FMNL2: variants seen among roughly 807,000 people sequenced by gnomAD.
FMNL2 encodes the protein formin like 2.
Under a neutral mutation model 130.2 loss-of-function variants are expected in FMNL2, and 51 were observed. The observed-to-expected ratio is 0.39, with a 90% CI of 0.31 to 0.49. The LOEUF (loss-of-function observed/expected upper bound fraction) is 0.49, where lower values mean the gene tolerates loss of function less well. Among genes scored for constraint, FMNL2 ranks in the 20% least tolerant of loss-of-function variants. FMNL2 has a pLI of 0.85. For synonymous variants in FMNL2, 465 were observed against 467.1 expected, an observed-to-expected ratio of 1.00 and a Z score of 0.06; for missense variants, 977 against 1,316.2, an observed-to-expected ratio of 0.74 and a Z score of 3.99.
chr2:152,513,357 G>A (rs562422560), intron 1 of FMNL2, among the ~76,000 whole-genome samples: 3 of 152,170 alleles, frequency 2.0e-5, no homozygotes, highest in Non-Finnish European at 4.4e-5. Flanking sequence ...ATACAATACA[G>A]TATTGTTAAC....
At chr2:152,371,795 A>AGT (rs1214962678) in intron 1 of FMNL2, among the ~76,000 whole-genome samples, 1 of 151,582 alleles carries the variant, frequency 6.6e-6, no homozygotes, top group Non-Finnish European at 1.5e-5. Flanking sequence ...TTATCATGGG[A>AGT]GTGAGACTGG....
chr2:152,495,850 G>A (rs1434446270), intron 1 of FMNL2, among the ~76,000 whole-genome samples: 2 of 151,778 alleles, frequency 1.3e-5, no homozygotes, highest in Admixed American at 1.3e-4. Context: ...CTGATTCTAC[G>A]TTAGTATTTC....
chr2:152,402,899 C>T (rs755163799), intron 1 of FMNL2, among the ~76,000 whole-genome samples: 11 of 152,010 alleles, frequency 7.2e-5, no homozygotes, highest in South Asian at 4.2e-4. Flanking sequence ...TTTTTCGGTC[C>T]GGGGATCCCA....
chr2:152,350,965 A>C (rs1682447156), intron 1 of FMNL2, among the ~76,000 whole-genome samples: 2 of 152,114 alleles, frequency 1.3e-5, no homozygotes, highest in Non-Finnish European at 2.9e-5. Flanking sequence ...GAATCGCTTG[A>C]ACCTGGGAGG....
intron 1 of FMNL2, among the ~76,000 whole-genome samples, chr2:152,480,974 A>C (rs774571108): frequency 3.9e-5 from 6 of 152,184 alleles, no homozygotes; most frequent in Admixed American, 1.3e-4. Context: ...GTCTCTCTCT[A>C]CACATTCATT....
At chr2:152,440,408 A>G (rs1027761390) in intron 1 of FMNL2, among the ~76,000 whole-genome samples, 1 of 152,256 alleles carries the variant, frequency 6.6e-6, no homozygotes, top group Non-Finnish European at 1.5e-5. Flanking sequence ...CAGTACAGCC[A>G]TAAATGCTAA....
At chr2:152,448,954 G>A (rs1688497381) in intron 1 of FMNL2, among the ~76,000 whole-genome samples, 1 of 152,172 alleles carries the variant, frequency 6.6e-6, no homozygotes, top group South Asian at 2.1e-4. Flanking sequence ...TGTTTGTCGA[G>A]AAGAAACCAA....
At chr2:152,501,306 C>G (rs147594214) in intron 1 of FMNL2, among the ~76,000 whole-genome samples, 50 of 152,228 alleles carry the variant, frequency 3.3e-4, no homozygotes, top group African/African-American at 1.1e-3. Flanking sequence ...TAAAGTGACT[C>G]GGGGATAGGG....
intron 1 of FMNL2, among the ~76,000 whole-genome samples, chr2:152,434,708 AGATAGCT>A (rs1441173044): frequency 9.9e-5 from 15 of 152,006 alleles, no homozygotes; most frequent in Middle Eastern, 3.4e-3. Flanking sequence ...ATTGGTTTTT[AGATAGCT>A]GATTTGTTTG....
intron 12 of FMNL2, 88 bp from the exon 13 acceptor site, chr2:152,617,003 T>C: frequency 9.0e-7 from 1 of 1,115,426 alleles, no homozygotes; most frequent in Non-Finnish European, 1.3e-6. Context: ...CCCTGGTCCC[T>C]AATAATCTTG....
intron 1 of FMNL2, among the ~76,000 whole-genome samples, chr2:152,493,715 A>G (rs527295900): frequency 1.4e-3 from 209 of 152,356 alleles, no homozygotes; most frequent in Non-Finnish European, 2.6e-3. Flanking sequence ...CCCTTCTGCC[A>G]TAAGTGGAAG....
intron 15 of FMNL2, among the ~76,000 whole-genome samples, chr2:152,622,177 T>C (rs1024549640): frequency 5.3e-5 from 8 of 152,228 alleles, no homozygotes; most frequent in Admixed American, 5.2e-4. Context: ...CTTTGCCGTC[T>C]GTCTGGGAGG....
chr2:152,365,466 G>A (rs1420981350), intron 1 of FMNL2, among the ~76,000 whole-genome samples: 4 of 152,118 alleles, frequency 2.6e-5, no homozygotes, highest in African/African-American at 9.7e-5. Context: ...GACAAAGACA[G>A]CCCAATCAAA....
At chr2:152,484,885 G>A (rs1190223339) in intron 1 of FMNL2, among the ~76,000 whole-genome samples, 1 of 152,218 alleles carries the variant, frequency 6.6e-6, no homozygotes, top group African/African-American at 2.4e-5. Flanking sequence ...AGTGTCTGGT[G>A]CATTAATGGT....
At chr2:152,623,760 A>G (rs188446434) in intron 15 of FMNL2, among the ~76,000 whole-genome samples, 1 of 152,240 alleles carries the variant, frequency 6.6e-6, no homozygotes, top group African/African-American at 2.4e-5. Flanking sequence ...GTATGGCTAA[A>G]TGGTTTGGGA....
At chr2:152,524,056 G>A (rs1693251890) in intron 2 of FMNL2, among the ~76,000 whole-genome samples, 1 of 151,978 alleles carries the variant, frequency 6.6e-6, no homozygotes, top group Non-Finnish European at 1.5e-5. Context: ...CTGTCAGTGT[G>A]GTTTGCTTTT....
chr2:152,343,850 G>A lies in FMNL2; in HGVS notation c.117+8130G>A, dbSNP rs112012468. ...TGGTTGTGCATTGACATCACTTGGC[G>A]ATCCTCAGAAAGTACAAGTGGGCCA... On this transcript the variant is annotated intron_variant, in intron 1 of 25. Transcript: ENST00000288670. Among the ~76,000 whole-genome samples, 1,109 of 151,678 alleles carry A rather than the reference G, an allele frequency of 7.3e-3. 16 individuals carry two copies. The highest frequency in any genetic ancestry group is 0.025 in the African/African-American group (1,046 of 41,382).
At chr2:152,532,129 C>T (rs1693732874) in intron 2 of FMNL2, among the ~76,000 whole-genome samples, 1 of 152,070 alleles carries the variant, frequency 6.6e-6, no homozygotes, top group South Asian at 2.1e-4. Flanking sequence ...CCTTGGAGTA[C>T]TTTATTTCCT....
chr2:152,479,331 G>A (rs1690347556), intron 1 of FMNL2, among the ~76,000 whole-genome samples: 2 of 152,112 alleles, frequency 1.3e-5, no homozygotes. Context: ...TTTTAGGAGG[G>A]ATGAGGTATC....
Sources: allele counts gnomAD v4.1 joint callset (sites outside exome capture counted in the v4.1 genomes callset), GRCh38; gene constraint gnomAD v4.1.1; transcripts MANE v1.5; gene names NCBI Gene and HGNC (gene_info 2026-07-23, HGNC 2026-07-21).